Variants in DLGAP1 observed in about 807,000 individuals in gnomAD.
DLGAP1 encodes the protein disks large-associated protein 1.
Under a neutral mutation model 90.8 loss-of-function variants are expected in DLGAP1, and 11 were observed. That is an observed-to-expected ratio of 0.12 (90% CI 0.08 to 0.20). The LOEUF (loss-of-function observed/expected upper bound fraction) is 0.20. Ranked by LOEUF, DLGAP1 falls within the 10% of genes least tolerant of loss-of-function variation. The pLI is 1.00. For synonymous variants in DLGAP1, 558 were observed against 540.7 expected, an observed-to-expected ratio of 1.03 and a Z score of -0.44; for missense variants, 1,050 against 1,333.8, an observed-to-expected ratio of 0.79 and a Z score of 3.31.
chr18:3,903,566 A>C (rs1273740506), intron 3 of DLGAP1, among the ~76,000 whole-genome samples: 1 of 152,194 alleles, frequency 6.6e-6, no homozygotes, highest in Non-Finnish European at 1.5e-5. Flanking sequence ...TAAACCTCAG[A>C]TGAATCACAC....
chr18:4,192,277 G>A (rs530535974), intron 1 of DLGAP1, among the ~76,000 whole-genome samples: 1 of 152,198 alleles, frequency 6.6e-6, no homozygotes, highest in East Asian at 1.9e-4. Context: ...TGCCTGATGA[G>A]CCAGTTGAGT....
chr18:4,343,249 G>T (rs957920107), intron 1 of DLGAP1, among the ~76,000 whole-genome samples: 2 of 151,334 alleles, frequency 1.3e-5, no homozygotes, highest in Admixed American at 1.3e-4. Flanking sequence ...AGAGCTTGCA[G>T]TGAGCTGAGA....
intron 5 of DLGAP1, among the ~76,000 whole-genome samples, chr18:3,803,957 CATATATATATAT>C (rs33952757): frequency 0.026 from 2,152 of 83,960 alleles, 92 homozygotes; most frequent in African/African-American, 0.086. Context: ...TATGTAGGTT[CATATATATATAT>C]ATATATATAT....
chr18:3,758,298 G>A (rs1437408825), intron 5 of DLGAP1, among the ~76,000 whole-genome samples: 1 of 152,106 alleles, frequency 6.6e-6, no homozygotes, highest in African/African-American at 2.4e-5. Context: ...TCTTGGCTTT[G>A]TCATTAACTA....
chr18:3,617,805 C>T (rs1262406359), intron 7 of DLGAP1, among the ~76,000 whole-genome samples: 4 of 151,860 alleles, frequency 2.6e-5, no homozygotes, highest in South Asian at 2.1e-4. Flanking sequence ...GAGGCCAAGG[C>T]GGGTGGATCA....
At chr18:3,630,486 T>G (rs1299388717) in intron 7 of DLGAP1, among the ~76,000 whole-genome samples, 1 of 152,162 alleles carries the variant, frequency 6.6e-6, no homozygotes, top group Non-Finnish European at 1.5e-5. Context: ...GTGCCCCAAT[T>G]CCCTATAATA....
At chr18:3,978,736 T>C (rs1266165445) in intron 3 of DLGAP1, 1 of 152,986 alleles carries the variant, frequency 6.5e-6, no homozygotes, top group African/African-American at 2.4e-5. Context: ...CTCTTCCCAC[T>C]CTAGAACTTT....
At chr18:4,045,432 C>CAAAA (rs763466156) in intron 2 of DLGAP1, among the ~76,000 whole-genome samples, 356 of 29,212 alleles carry the variant, frequency 0.012, 20 homozygotes, top group Middle Eastern at 0.025. Context: ...CCCATCTCTA[C>CAAAA]AAAAAAAAAA....
At chr18:3,642,725 GT>G (rs1397181896) in intron 7 of DLGAP1, among the ~76,000 whole-genome samples, 12 of 152,170 alleles carry the variant, frequency 7.9e-5, no homozygotes, top group African/African-American at 2.9e-4. Flanking sequence ...GTATTATAAA[GT>G]GCTCAACAAA....
rs71160908 is a variant in DLGAP1, at chr18:3,677,960, GTTTTTTTT to G, written c.1591+51167_1591+51174del. ...AGGCGTGAGCCACTGTGCCCGGTGG[GTTTTTTTT>G]TTTTTTTTTTTGAGATGGAGTCTAG... On this transcript the variant is annotated intron_variant, in intron 7 of 12. Coordinates refer to ENST00000315677, the MANE Select transcript of DLGAP1 (RefSeq NM_004746.4). 1.9e-3 allele frequency among the ~76,000 whole-genome samples: 158 copies of G among 81,198 alleles called. 1 individual carries two copies. Among genetic ancestry groups the G allele is most frequent in the Middle Eastern group, 0.025 (2 of 80 alleles). 53.3% of individuals were successfully genotyped at this position (81,198 alleles called of 152,430 possible).
At chr18:4,407,973 C>T (rs1050694977) in intron 1 of DLGAP1, among the ~76,000 whole-genome samples, 3 of 152,110 alleles carry the variant, frequency 2.0e-5, no homozygotes, top group Non-Finnish European at 4.4e-5. Flanking sequence ...CTATCATACA[C>T]TCTGGGGGTA....
At chr18:4,305,946 T>C (rs905692451) in intron 1 of DLGAP1, among the ~76,000 whole-genome samples, 4 of 151,802 alleles carry the variant, frequency 2.6e-5, no homozygotes, top group Non-Finnish European at 4.4e-5. Context: ...GTTTTAGTTT[T>C]GGGGAAGTTA....
chr18:4,115,850 T>C (rs1196137900), intron 2 of DLGAP1, among the ~76,000 whole-genome samples: 1 of 152,218 alleles, frequency 6.6e-6, no homozygotes, highest in Non-Finnish European at 1.5e-5. Context: ...TAAATTTCTA[T>C]ATATTATAAA....
rs574192216 is a variant in DLGAP1 at position 3,496,839 on chromosome 18, A to G, written c.*2346T>C. 6.6e-6 allele frequency: 1 copy of G among 152,332 alleles called. No individual in the cohort carries two copies. Among genetic ancestry groups the G allele is most frequent in the East Asian group, 1.9e-4 (1 of 5,188 alleles). 9.4% of individuals were successfully genotyped at this position (152,332 alleles called of 1,614,324 possible). On this transcript the variant is annotated 3_prime_UTR_variant, in exon 13 of 13. Transcript: ENST00000315677. ...TTTAAATTGTATTTTCAAGGAAGGC[A>G]AAGATCATGATGCCCTGTAGGCCTT...
chr18:3,557,524 A>G (rs2053829170), intron 9 of DLGAP1, among the ~76,000 whole-genome samples: 1 of 151,886 alleles, frequency 6.6e-6, no homozygotes, highest in African/African-American at 2.4e-5. Flanking sequence ...TTCGTCTCAA[A>G]AGAAAAAAAA....
intron 2 of DLGAP1, among the ~76,000 whole-genome samples, chr18:4,009,788 C>A (rs2074380871): frequency 6.6e-6 from 1 of 152,208 alleles, no homozygotes; most frequent in South Asian, 2.1e-4. Flanking sequence ...CATCCACCAC[C>A]CTCCCAGGAA....
intron 2 of DLGAP1, among the ~76,000 whole-genome samples, chr18:4,148,821 T>G (rs1420553123): frequency 2.0e-5 from 3 of 152,246 alleles, no homozygotes; most frequent in Non-Finnish European, 1.5e-5. Context: ...TTAGAGAGTT[T>G]ATCAATTATA....
chr18:4,205,511 G>A (rs1311691806), intron 1 of DLGAP1, among the ~76,000 whole-genome samples: 1 of 152,006 alleles, frequency 6.6e-6, no homozygotes. Flanking sequence ...TTCTCTTTTT[G>A]AGACAGGGTC....
intron 5 of DLGAP1, among the ~76,000 whole-genome samples, chr18:3,788,159 T>C (rs1568134762): frequency 6.6e-6 from 1 of 152,228 alleles, no homozygotes; most frequent in South Asian, 2.1e-4. Context: ...AAGAGGGGTA[T>C]ACAAGCATCT....
Sources: allele counts gnomAD v4.1 joint callset (sites outside exome capture counted in the v4.1 genomes callset), GRCh38; gene constraint gnomAD v4.1.1; transcripts MANE v1.5; gene names NCBI Gene and HGNC (gene_info 2026-07-23, HGNC 2026-07-21).